Variants in OLFM2 observed in about 807,000 individuals in gnomAD.
OLFM2 encodes noelin-2.
In OLFM2, 20 loss-of-function variants were observed where a neutral mutation model predicts 43.9. The ratio of observed to expected loss-of-function variants is 0.46; its 90% CI spans 0.32 to 0.66. The LOEUF (loss-of-function observed/expected upper bound fraction) is 0.66, where lower values mean the gene tolerates loss of function less well. OLFM2 is among the 30% of genes least tolerant of loss of function. The pLI, the probability that OLFM2 is intolerant of heterozygous loss-of-function variation, is 0.04. For synonymous variants in OLFM2, 268 were observed against 278.6 expected, an observed-to-expected ratio of 0.96 and a Z score of 0.38; for missense variants, 416 against 643.6, an observed-to-expected ratio of 0.65 and a Z score of 3.83.
chr19:9,870,293 TGA>T (rs1255378366), intron 1 of OLFM2, among the ~76,000 whole-genome samples: 1 of 152,140 alleles, frequency 6.6e-6, no homozygotes, highest in Admixed American at 6.6e-5. Flanking sequence ...TCAAACGGTG[TGA>T]GTCTTGACAC....
intron 1 of OLFM2, among the ~76,000 whole-genome samples, chr19:9,919,139 C>A (rs540526021): frequency 1.4e-4 from 21 of 152,000 alleles, no homozygotes; most frequent in African/African-American, 5.1e-4. Context: ...GAGTTTGAGA[C>A]CAGCCTGGGC....
At chr19:9,912,880 A>T (rs1168445328) in intron 1 of OLFM2, among the ~76,000 whole-genome samples, 1 of 151,796 alleles carries the variant, frequency 6.6e-6, no homozygotes, top group East Asian at 1.9e-4. Context: ...AAAAAAAGAG[A>T]TACAAATTCT....
intron 1 of OLFM2, among the ~76,000 whole-genome samples, chr19:9,888,012 T>C (rs966954538): frequency 2.6e-5 from 4 of 151,746 alleles, no homozygotes; most frequent in African/African-American, 9.7e-5. Context: ...AGTAGAGTTC[T>C]CCCCAAGGCA....
intron 1 of OLFM2, among the ~76,000 whole-genome samples, chr19:9,904,759 C>T (rs2046770681): frequency 6.6e-6 from 1 of 152,006 alleles, no homozygotes; most frequent in East Asian, 1.9e-4. Flanking sequence ...GTGGCTCATG[C>T]CTGTAATCCC....
intron 1 of OLFM2, among the ~76,000 whole-genome samples, chr19:9,902,026 C>CTATATA (rs146963521): frequency 0.02 from 3,045 of 150,120 alleles, 73 homozygotes; most frequent in South Asian, 0.067. Context: ...TATATACTGA[C>CTATATA]TATATATATA....
chr19:9,880,950 T>G (rs1466716484), intron 1 of OLFM2, among the ~76,000 whole-genome samples: 4 of 151,930 alleles, frequency 2.6e-5, no homozygotes, highest in African/African-American at 7.3e-5. Flanking sequence ...CAGGCTGGAG[T>G]GCAGTGACGC....
At chr19:9,888,279 T>C (rs2046605521) in intron 1 of OLFM2, among the ~76,000 whole-genome samples, 1 of 151,848 alleles carries the variant, frequency 6.6e-6, no homozygotes, top group Non-Finnish European at 1.5e-5. Flanking sequence ...TCCCAGCACT[T>C]TGGGAGGCTG....
chr19:9,918,559 A>G (rs1294591228), intron 1 of OLFM2, among the ~76,000 whole-genome samples: 1 of 152,186 alleles, frequency 6.6e-6, no homozygotes, highest in African/African-American at 2.4e-5. Context: ...TGTCTATGAA[A>G]AGACCTAAAC....
chr19:9,916,125 G>A (rs2046874413), intron 1 of OLFM2, among the ~76,000 whole-genome samples: 1 of 152,212 alleles, frequency 6.6e-6, no homozygotes, highest in African/African-American at 2.4e-5. Context: ...GGGAGGCCGA[G>A]GAGGGTGGAT....
At chr19:9,871,391 T>C (rs1242035202) in intron 1 of OLFM2, among the ~76,000 whole-genome samples, 1 of 151,654 alleles carries the variant, frequency 6.6e-6, no homozygotes, top group African/African-American at 2.4e-5. Context: ...AGCAACATGG[T>C]GAAACTCCGT....
chr19:9,901,789 T>C (rs889865882), intron 1 of OLFM2, among the ~76,000 whole-genome samples: 1 of 152,178 alleles, frequency 6.6e-6, no homozygotes, highest in Non-Finnish European at 1.5e-5. Context: ...TTCCCACGTT[T>C]AGGGCACATG....
At chr19:9,881,255 A>G (rs1420410971) in intron 1 of OLFM2, among the ~76,000 whole-genome samples, 2 of 152,110 alleles carry the variant, frequency 1.3e-5, no homozygotes, top group African/African-American at 2.4e-5. Flanking sequence ...ACATCTCTGA[A>G]AACAGTCATT....
chr19:9,896,188 C>T (rs927512286), intron 1 of OLFM2, among the ~76,000 whole-genome samples: 31 of 148,592 alleles, frequency 2.1e-4, no homozygotes, highest in African/African-American at 7.0e-4. Context: ...GCAAGCTCCG[C>T]GTCCCGGGTT....
At chr19:9,879,373 C>T (rs1228261299) in intron 1 of OLFM2, among the ~76,000 whole-genome samples, 2 of 151,858 alleles carry the variant, frequency 1.3e-5, no homozygotes, top group African/African-American at 4.8e-5. Flanking sequence ...CTCAGGTGAT[C>T]TGCCCCCCTC....
chr19:9,870,390 GGA>G (rs1200776722), intron 1 of OLFM2, among the ~76,000 whole-genome samples: 1 of 152,172 alleles, frequency 6.6e-6, no homozygotes, highest in Non-Finnish European at 1.5e-5. Flanking sequence ...GAGGGAGAGA[GGA>G]GAGTGAGGGA....
At chr19:9,919,951 T>G (rs1171752632) in intron 1 of OLFM2, among the ~76,000 whole-genome samples, 1 of 150,642 alleles carries the variant, frequency 6.6e-6, no homozygotes, top group Non-Finnish European at 1.5e-5. Context: ...CAAGCCACCA[T>G]GCTCAGCTAA....
At chr19:9,871,512 G>A (rs577240387) in intron 1 of OLFM2, among the ~76,000 whole-genome samples, 1 of 150,618 alleles carries the variant, frequency 6.6e-6, no homozygotes, top group Non-Finnish European at 1.5e-5. Flanking sequence ...GGCGAAGGTT[G>A]CAGTGAGCTG....
chr19:9,893,132 G>A (rs1311532010), intron 1 of OLFM2, among the ~76,000 whole-genome samples: 1 of 151,900 alleles, frequency 6.6e-6, no homozygotes, highest in Non-Finnish European at 1.5e-5. Flanking sequence ...GTCTGTCATA[G>A]AGTCAAACCA....
intron 1 of OLFM2, among the ~76,000 whole-genome samples, chr19:9,884,868 A>G (rs1426215168): frequency 6.6e-6 from 1 of 152,162 alleles, no homozygotes; most frequent in African/African-American, 2.4e-5. Context: ...GAGACAATGG[A>G]CAGGCATCAA....
Sources: gnomAD v4.1 joint callset for allele counts (sites outside exome capture counted in the v4.1 genomes callset) on GRCh38, gnomAD v4.1.1 for gene constraint, MANE v1.5 for transcripts, NCBI Gene and HGNC (gene_info 2026-07-23, HGNC 2026-07-21) for gene names.